The following FAM135B variants were observed in gnomAD, a reference collection of about 807,000 sequenced individuals.
FAM135B encodes the protein protein FAM135B.
In FAM135B, 43 loss-of-function variants were observed where a neutral mutation model predicts 127.7. That is an observed-to-expected ratio of 0.34 (90% CI 0.26 to 0.43). The LOEUF is 0.43. Ranked by LOEUF, FAM135B falls within the 20% of genes least tolerant of loss-of-function variation. The pLI, the probability that FAM135B is intolerant of heterozygous loss-of-function variation, is 1.00. For missense variants in FAM135B, 1,558 were observed against 1,725.6 expected (o/e 0.90, Z 1.72); for synonymous variants, 670 against 665.1 (o/e 1.01, Z -0.11).
chr8:138,163,225 C>T (rs538399661), intron 12 of FAM135B, among the ~76,000 whole-genome samples: 19 of 152,214 alleles, frequency 1.2e-4, no homozygotes, highest in East Asian at 7.7e-4. Context: ...CAATTTCACA[C>T]GGTTAATAAT....
At chr8:138,389,327 A>G (rs1470124773) in intron 1 of FAM135B, among the ~76,000 whole-genome samples, 1 of 152,232 alleles carries the variant, frequency 6.6e-6, no homozygotes, top group African/African-American at 2.4e-5. Context: ...GAGAAGTGAA[A>G]CCATTGTTAA....
At chr8:138,312,200 C>T (rs1042085388) in intron 2 of FAM135B, among the ~76,000 whole-genome samples, 1 of 152,160 alleles carries the variant, frequency 6.6e-6, no homozygotes, top group Non-Finnish European at 1.5e-5. Context: ...CTGCCTCAGC[C>T]TCCCAAAGTG....
At chr8:138,169,338 A>AT (rs151134401) in intron 11 of FAM135B, among the ~76,000 whole-genome samples, 8,231 of 149,626 alleles carry the variant, frequency 0.055, 533 homozygotes, top group East Asian at 0.15. Context: ...TTCTCTGAAT[A>AT]TTTAACTCTT....
intron 7 of FAM135B, among the ~76,000 whole-genome samples, chr8:138,210,623 G>A (rs1490985030): frequency 6.6e-6 from 1 of 152,064 alleles, no homozygotes; most frequent in South Asian, 2.1e-4. Context: ...ATCAAATCTT[G>A]TGAGAACTCA....
intron 14 of FAM135B, 95 bp downstream of exon 14, chr8:138,148,425 T>C (rs1402356230): frequency 9.9e-7 from 1 of 1,006,248 alleles, no homozygotes; most frequent in Non-Finnish European, 1.5e-6. Context: ...TAATTGAACA[T>C]TCTGTTGAAT....
intron 1 of FAM135B, chr8:138,440,595 T>C (rs1319700809): frequency 6.6e-6 from 1 of 151,966 alleles, no homozygotes; most frequent in African/African-American, 2.4e-5. Flanking sequence ...CATTACAAGA[T>C]AACATAAATC....
At chr8:138,350,572 A>T (rs1284827620) in intron 2 of FAM135B, among the ~76,000 whole-genome samples, 1 of 152,138 alleles carries the variant, frequency 6.6e-6, no homozygotes, top group Admixed American at 6.5e-5. Context: ...AAATCCCAAG[A>T]GAGAGATATT....
At chr8:138,472,791 A>G (rs1290944674) in intron 1 of FAM135B, among the ~76,000 whole-genome samples, 1 of 152,190 alleles carries the variant, frequency 6.6e-6, no homozygotes, top group Non-Finnish European at 1.5e-5. Flanking sequence ...CACGTTTAGA[A>G]GGACTCAAGA....
Position 138,251,007 on chromosome 8 carries a change from C to A in FAM135B, c.376G>T (p.Asp126Tyr), listed in dbSNP as rs2130489854. The change falls in exon 6 of 20, where the codon GAT (aspartate) becomes TAT (tyrosine). Residue 126 changes from aspartate to tyrosine, a missense_variant. Physicochemically the swap from Asp to Tyr is radical, Grantham distance 160. Transcript: ENST00000395297. Reference sequence around the variant, plus strand: ...CTGACCATCGGTGCCCCAGCCACATCCCTCAACCTAGAAGGCAAGCATGTG... The same window carrying A: ...CTGACCATCGGTGCCCCAGCCACATACCTCAACCTAGAAGGCAAGCATGTG... ...HFTDSEQQLR[D>Y]VAGAPMVSSR... is the part of the protein sequence containing the mutation. 1 of 1,613,904 alleles carries A rather than the reference C, an allele frequency of 6.2e-7. No individual in the cohort carries two copies. Among genetic ancestry groups the A allele is most frequent in the East Asian group, 2.2e-5 (1 of 44,864 alleles).
At chr8:138,340,675 G>T (rs1431063751) in intron 2 of FAM135B, among the ~76,000 whole-genome samples, 3 of 152,048 alleles carry the variant, frequency 2.0e-5, no homozygotes, top group Non-Finnish European at 2.9e-5. Flanking sequence ...GGCACATAGG[G>T]TTCCTCGTGG....
chr8:138,488,727 T>C (rs113258504), intron 1 of FAM135B, among the ~76,000 whole-genome samples: 9,014 of 152,168 alleles, frequency 0.059, 867 homozygotes, highest in African/African-American at 0.2. Context: ...AGTGCAGTGG[T>C]GCAATCTCGG....
At chr8:138,306,424 G>A (rs1826261410) in intron 3 of FAM135B, among the ~76,000 whole-genome samples, 2 of 146,918 alleles carry the variant, frequency 1.4e-5, no homozygotes, top group African/African-American at 2.5e-5. Context: ...GACTGAGCAA[G>A]ACTCCGTCTC....
intron 3 of FAM135B, among the ~76,000 whole-genome samples, chr8:138,285,442 T>C (rs1017903242): frequency 2.5e-4 from 38 of 152,150 alleles, no homozygotes; most frequent in Non-Finnish European, 5.9e-5. Context: ...CCACTACGCC[T>C]GGCCTTGGCT....
intron 3 of FAM135B, among the ~76,000 whole-genome samples, chr8:138,272,560 C>G (rs1385901142): frequency 6.6e-6 from 1 of 152,210 alleles, no homozygotes; most frequent in Non-Finnish European, 1.5e-5. Context: ...AGCATTCTCT[C>G]ATCAACACTG....
chr8:138,345,028 A>G (rs1370869746), intron 2 of FAM135B, among the ~76,000 whole-genome samples: 2 of 152,210 alleles, frequency 1.3e-5, no homozygotes, highest in Non-Finnish European at 2.9e-5. Context: ...TTGGGTCATA[A>G]CCATGAAAGC....
intron 7 of FAM135B, among the ~76,000 whole-genome samples, chr8:138,217,365 TG>T (rs1818625882): frequency 6.7e-6 from 1 of 150,346 alleles, no homozygotes; most frequent in Non-Finnish European, 1.5e-5. Context: ...CTCTGTAAGA[TG>T]GGAAAAAAAT....
chr8:138,466,686 A>C (rs144406162), intron 1 of FAM135B, among the ~76,000 whole-genome samples: 2 of 152,338 alleles, frequency 1.3e-5, no homozygotes, highest in East Asian at 3.9e-4. Flanking sequence ...TGCCAATGCA[A>C]TGAGTGATGT....
intron 1 of FAM135B, among the ~76,000 whole-genome samples, chr8:138,413,899 G>C (rs929658021): frequency 6.6e-6 from 1 of 151,882 alleles, no homozygotes; most frequent in Non-Finnish European, 1.5e-5. Flanking sequence ...TGGGTGACAA[G>C]CATTTTTCAC....
At chr8:138,422,792 A>G (rs1834591793) in intron 1 of FAM135B, among the ~76,000 whole-genome samples, 1 of 152,206 alleles carries the variant, frequency 6.6e-6, no homozygotes, top group Non-Finnish European at 1.5e-5. Flanking sequence ...AAATTGTTCT[A>G]CTGTAAAGAC....
Sources: gnomAD v4.1 joint callset for allele counts (sites outside exome capture counted in the v4.1 genomes callset) on GRCh38, gnomAD v4.1.1 for gene constraint, MANE v1.5 for transcripts, NCBI Gene and HGNC (gene_info 2026-07-23, HGNC 2026-07-21) for gene names.